Variants in PCDHGB2 observed in about 807,000 individuals in gnomAD.
PCDHGB2 encodes the protein protocadherin gamma subfamily B, 2.
Under a neutral mutation model 59.3 loss-of-function variants are expected in PCDHGB2, and 55 were observed. That is an observed-to-expected ratio of 0.93 (90% CI 0.75 to 1.16). The LOEUF is 1.16. Among genes scored for constraint, PCDHGB2 ranks in the 50% most tolerant of loss-of-function variants. PCDHGB2 has a pLI of 0.00. For missense variants in PCDHGB2, 1,228 were observed against 1,198.5 expected (o/e 1.02, Z -0.36); for synonymous variants, 516 against 512.0 (o/e 1.01, Z -0.11).
At chr5:141,366,925 T>G in intron 1 of PCDHGB2, 1 of 999,204 alleles carries the variant, frequency 1.0e-6, no homozygotes, top group Non-Finnish European at 1.4e-6. Context: ...TCAAATTCTG[T>G]TTTGGGAAGT....
At position 141,383,756 on chromosome 5, in the gene PCDHGB2, C is replaced by T. The variant is rs62620755; in HGVS notation, c.2421+21200C>T. 6.8e-6 allele frequency: 11 copies of T among 1,613,838 alleles called. No homozygotes were observed. Among genetic ancestry groups the T allele is most frequent in the East Asian group, 2.2e-5 (1 of 44,890 alleles). ...ACATATTCTTTTCGGAAAATAACTC[C>T]TAAACTTCCAAAGATGTTTCATCTG... On this transcript the variant is annotated intron_variant, in intron 1 of 3. Coordinates refer to ENST00000522605, the MANE Select transcript of PCDHGB2 (RefSeq NM_018923.3).
rs571588941 is a variant in PCDHGB2, at chr5:141,428,181, A to T, written c.2421+65625A>T. The T allele has an allele frequency of 1.2e-4, 181 of 1,486,230 alleles. 2 individuals carry two copies. In the South Asian group the frequency reaches 2.0e-3, roughly 16 times the overall value. The allele number at this position is 1,486,230 out of a possible 1,614,324, so 92.1% of individuals were successfully genotyped here. A position where few individuals can be genotyped will look rare whatever the true frequency, so the allele number is the denominator to read the frequency against. ...CTGGTTGCTGTGCGTGACGGAGGAC[A>T]GCCGCCGCTCTCTGCGCCGCTACGC... On this transcript the variant is annotated intron_variant, in intron 1 of 3. Coordinates refer to ENST00000522605, the MANE Select transcript of PCDHGB2 (RefSeq NM_018923.3).
At chr5:141,443,844 G>T (rs976057583) in intron 1 of PCDHGB2, among the ~76,000 whole-genome samples, 1 of 152,130 alleles carries the variant, frequency 6.6e-6, no homozygotes, top group African/African-American at 2.4e-5. Flanking sequence ...GGGTAATATG[G>T]AAAGTCTGAA....
intron 1 of PCDHGB2, chr5:141,365,269 A>T: frequency 6.2e-7 from 1 of 1,614,008 alleles, no homozygotes; most frequent in Non-Finnish European, 8.5e-7. Flanking sequence ...AAGAATCCAG[A>T]TTCTACCTCA....
At chr5:141,375,966 C>A (rs373365863) in intron 1 of PCDHGB2, 4 of 1,613,374 alleles carry the variant, frequency 2.5e-6, no homozygotes, top group Non-Finnish European at 2.5e-6. Context: ...GAGGTGCGCA[C>A]GGCGCGCGCC....
rs1297899765 is a variant in PCDHGB2, at chr5:141,431,815, C to T, written c.2422-62992C>T. ...CCCCAGAAGTGGTCCTCACCTCTCTCGCCAGCTCGGTTCCCGAAAACTCTC... is the reference window on the plus strand; with the variant it reads ...CCCCAGAAGTGGTCCTCACCTCTCTTGCCAGCTCGGTTCCCGAAAACTCTC... On this transcript the variant is annotated intron_variant, in intron 1 of 3. Transcript: ENST00000522605. The surrounding 1 kb of genome is among the most constrained non-coding windows in gnomAD (Gnocchi z 4.8). 5 of 1,614,124 alleles carry T rather than the reference C, an allele frequency of 3.1e-6. No homozygotes were observed. The Admixed American group carries it at 5.0e-5, about 16-fold the overall frequency.
intron 1 of PCDHGB2, among the ~76,000 whole-genome samples, chr5:141,475,215 T>C (rs768665396): frequency 2.6e-5 from 4 of 152,176 alleles, no homozygotes; most frequent in Non-Finnish European, 5.9e-5. Flanking sequence ...AAAGGATTGA[T>C]CAAGTAAAGG....
At chr5:141,484,589 C>T (rs2154580160) in intron 1 of PCDHGB2, among the ~76,000 whole-genome samples, 1 of 152,074 alleles carries the variant, frequency 6.6e-6, no homozygotes, top group African/African-American at 2.4e-5. Context: ...GGAAGCTACT[C>T]ATTTAGAATA....
At position 141,389,227 on chromosome 5, in the gene PCDHGB2, C is replaced by T. The variant is rs1412412051; in HGVS notation, c.2421+26671C>T. On this transcript the variant is annotated intron_variant, in intron 1 of 3. Transcript: ENST00000522605. ...ATTGGTGATGTAAATGACAACGCTC[C>T]GGTTTTCTCACAGTCTTCCTATATA... 35 of 1,614,024 alleles carry T rather than the reference C, an allele frequency of 2.2e-5. No homozygotes were observed. Among genetic ancestry groups the T allele is most frequent in the Non-Finnish European group, 2.8e-5 (33 of 1,179,882 alleles).
intron 1 of PCDHGB2, chr5:141,379,090 T>C (rs1029371266): frequency 6.6e-6 from 1 of 152,210 alleles, no homozygotes; most frequent in Non-Finnish European, 1.5e-5. Context: ...GTTATGAATG[T>C]GTAAGAAAAA....
At chr5:141,482,074 A>G (rs1349748840) in intron 1 of PCDHGB2, among the ~76,000 whole-genome samples, 2 of 142,830 alleles carry the variant, frequency 1.4e-5, no homozygotes, top group Non-Finnish European at 3.0e-5. Context: ...AACAAGAACA[A>G]AACTCACTCC....
intron 1 of PCDHGB2, among the ~76,000 whole-genome samples, chr5:141,470,011 C>T (rs2099218489): frequency 6.6e-6 from 1 of 152,144 alleles, no homozygotes; most frequent in Non-Finnish European, 1.5e-5. Context: ...CGCCTGTAAT[C>T]CCAGCTACTC....
intron 1 of PCDHGB2, chr5:141,388,437 A>C: frequency 6.2e-7 from 1 of 1,613,892 alleles, no homozygotes; most frequent in Non-Finnish European, 8.5e-7. Context: ...AAATAAAGAG[A>C]AATCAGATGG....
In PCDHGB2 at chr5:141,431,675, G is replaced by A. The variant is rs778040824; in HGVS notation, c.2422-63132G>A. Reference sequence around the variant, plus strand: ...TTCAGGGACAATATCAACAATAGGGGAGTTGGACCACGAGGAGTCAGGATT... The same window carrying A: ...TTCAGGGACAATATCAACAATAGGGAAGTTGGACCACGAGGAGTCAGGATT... On this transcript the variant is annotated intron_variant, in intron 1 of 3. Coordinates refer to ENST00000522605, the MANE Select transcript of PCDHGB2 (RefSeq NM_018923.3). The surrounding 1 kb of genome is among the most constrained non-coding windows in gnomAD (Gnocchi z 4.8). 5.6e-6 allele frequency: 9 copies of A among 1,614,230 alleles called. No homozygotes were observed. Among genetic ancestry groups the A allele is most frequent in the Admixed American group, 1.7e-5 (1 of 60,028 alleles).
chr5:141,456,020 C>T (rs2098840631), intron 1 of PCDHGB2, among the ~76,000 whole-genome samples: 1 of 151,834 alleles, frequency 6.6e-6, no homozygotes, highest in South Asian at 2.1e-4. Flanking sequence ...GCCTCAGCCT[C>T]CCGAGTAGCT....
At position 141,389,943 on chromosome 5, in the gene PCDHGB2, CAGTTTT is replaced by C. The variant is rs777429461; in HGVS notation, c.2421+27389_2421+27394del. The C allele has an allele frequency of 2.5e-6, 4 of 1,613,956 alleles. No homozygotes were observed. In the African/African-American group the frequency reaches 5.3e-5, roughly 22 times the overall value. On this transcript the variant is annotated intron_variant, in intron 1 of 3. Transcript: ENST00000522605. The stretch of plus-strand genomic sequence containing the variant: ...CCCCTCTGACCTCCAGGCTGAGCTG[CAGTTTT>C]ACCTAGTGGTGGCCTTGGCCTTGAT...
intron 1 of PCDHGB2, chr5:141,398,973 C>T: frequency 6.2e-7 from 1 of 1,613,952 alleles, no homozygotes; most frequent in Non-Finnish European, 8.5e-7. Context: ...ATTCCTTCTA[C>T]AGAACCGGGC....
chr5:141,370,786 C>T (rs1378558214), intron 1 of PCDHGB2: 1 of 1,613,972 alleles, frequency 6.2e-7, no homozygotes, highest in East Asian at 2.2e-5. Flanking sequence ...GACAACCCAC[C>T]GACCTTTAGC....
chr5:141,396,911 T>C (rs756096789), intron 1 of PCDHGB2, among the ~76,000 whole-genome samples: 3 of 152,238 alleles, frequency 2.0e-5, no homozygotes, highest in Non-Finnish European at 4.4e-5. Context: ...CACTTTGCAA[T>C]TTTAAAAACT....
Sources: gnomAD v4.1 joint callset for allele counts (sites outside exome capture counted in the v4.1 genomes callset) on GRCh38, gnomAD v4.1.1 for gene constraint, Gnocchi (gnomAD v3.1) non-coding constraint, MANE v1.5 for transcripts, NCBI Gene and HGNC (gene_info 2026-07-23, HGNC 2026-07-21) for gene names.